SORCS1: variants seen among roughly 807,000 people sequenced by gnomAD.
SORCS1 encodes sortilin related VPS10 domain containing receptor 1.
SORCS1 carries 60 observed loss-of-function variants against 146.1 expected under a neutral mutation model. The ratio of observed to expected loss-of-function variants is 0.41; its 90% CI spans 0.33 to 0.51. The LOEUF (loss-of-function observed/expected upper bound fraction) is 0.51. Among genes scored for constraint, SORCS1 ranks in the 20% least tolerant of loss-of-function variants. SORCS1 has a pLI of 0.21. For synonymous variants in SORCS1, 637 were observed against 584.0 expected (o/e 1.09, Z -1.31); for missense variants, 1,352 against 1,487.6 (o/e 0.91, Z 1.50).
chr10:106,656,317 G>C (rs914733437), intron 17 of SORCS1, among the ~76,000 whole-genome samples: 1 of 152,160 alleles, frequency 6.6e-6, no homozygotes, highest in African/African-American at 2.4e-5. Flanking sequence ...TTGGGAGGCC[G>C]AGGTGAGCAG....
chr10:107,114,793 T>C (rs1234930541), intron 1 of SORCS1, among the ~76,000 whole-genome samples: 4 of 152,188 alleles, frequency 2.6e-5, no homozygotes, highest in Non-Finnish European at 4.4e-5. Flanking sequence ...TGCATCCAAA[T>C]TGGAAATGAA....
intron 1 of SORCS1, among the ~76,000 whole-genome samples, chr10:107,090,606 G>A (rs1387072779): frequency 1.3e-5 from 2 of 152,132 alleles, no homozygotes; most frequent in South Asian, 4.2e-4. Flanking sequence ...GCTACAGATA[G>A]ATGTCCCCTA....
intron 1 of SORCS1, among the ~76,000 whole-genome samples, chr10:107,034,352 T>C: frequency 6.6e-6 from 1 of 151,942 alleles, no homozygotes; most frequent in East Asian, 1.9e-4. Context: ...TTGTGCGCTT[T>C]CCACCTTTCT....
intron 2 of SORCS1, among the ~76,000 whole-genome samples, chr10:106,842,627 T>C (rs565243850): frequency 2.0e-5 from 3 of 152,338 alleles, no homozygotes; most frequent in Non-Finnish European, 4.4e-5. Context: ...CTCTGTTTTG[T>C]GTTTTTGAGA....
At chr10:106,689,584 A>G (rs537482508) in intron 9 of SORCS1, among the ~76,000 whole-genome samples, 17 of 152,316 alleles carry the variant, frequency 1.1e-4, no homozygotes, top group African/African-American at 4.1e-4. Flanking sequence ...AGAATAGTGA[A>G]GCAATTAGCT....
At chr10:106,766,771 A>G (rs1180657619) in intron 4 of SORCS1, among the ~76,000 whole-genome samples, 1 of 152,258 alleles carries the variant, frequency 6.6e-6, no homozygotes, top group East Asian at 1.9e-4. Context: ...TATCACAGAC[A>G]ACCTACAGTA....
chr10:106,989,860 G>T (rs1288542848), intron 1 of SORCS1, among the ~76,000 whole-genome samples: 1 of 151,166 alleles, frequency 6.6e-6, no homozygotes, highest in Non-Finnish European at 1.5e-5. Context: ...CTAATTTTTT[G>T]TATTTTTAGT....
intron 2 of SORCS1, among the ~76,000 whole-genome samples, chr10:106,864,606 G>A (rs1484452459): frequency 6.6e-6 from 1 of 152,126 alleles, no homozygotes; most frequent in Admixed American, 6.6e-5. Flanking sequence ...GAATCCAGGG[G>A]AATGAGTAGC....
At chr10:106,799,795 A>G (rs908141297) in intron 3 of SORCS1, among the ~76,000 whole-genome samples, 1 of 152,220 alleles carries the variant, frequency 6.6e-6, no homozygotes, top group African/African-American at 2.4e-5. Flanking sequence ...ACTGTAAACT[A>G]GTTCAACCAT....
At chr10:107,122,735 G>T (rs1035853876) in intron 1 of SORCS1, among the ~76,000 whole-genome samples, 3 of 152,140 alleles carry the variant, frequency 2.0e-5, no homozygotes, top group Admixed American at 6.6e-5. Context: ...CCTGTTTCAG[G>T]CTCCAAAGTG....
intron 2 of SORCS1, among the ~76,000 whole-genome samples, chr10:106,918,695 G>T (rs567695602): frequency 6.6e-5 from 10 of 152,068 alleles, no homozygotes; most frequent in African/African-American, 9.7e-5. Flanking sequence ...CTCACCAGAA[G>T]TTTCAACATC....
chr10:106,688,449 G>A, intron 9 of SORCS1, 111 bp from the exon 10 acceptor site: 4 of 1,243,832 alleles, frequency 3.2e-6, no homozygotes, highest in Middle Eastern at 2.7e-4. Flanking sequence ...TTGCCTTGGA[G>A]GAAAGAAAGG....
At chr10:106,731,296 A>T (rs1252033) in intron 5 of SORCS1, among the ~76,000 whole-genome samples, 2 of 132,226 alleles carry the variant, frequency 1.5e-5, no homozygotes, top group Non-Finnish European at 3.2e-5. Flanking sequence ...CCGTCTCAAA[A>T]AAAAAAAAAA....
At chr10:106,851,354 T>G (rs948803940) in intron 2 of SORCS1, among the ~76,000 whole-genome samples, 15 of 152,228 alleles carry the variant, frequency 9.9e-5, no homozygotes, top group African/African-American at 3.1e-4. Context: ...TGATACATTT[T>G]GAGTTAATTT....
chr10:107,158,325 C>T (rs531612219), intron 1 of SORCS1, among the ~76,000 whole-genome samples: 12 of 152,234 alleles, frequency 7.9e-5, no homozygotes, highest in African/African-American at 2.4e-4. Flanking sequence ...TTAAAACTTT[C>T]GTTAAACATA....
intron 4 of SORCS1, among the ~76,000 whole-genome samples, chr10:106,765,695 G>A (rs1446842440): frequency 6.6e-6 from 1 of 151,892 alleles, no homozygotes; most frequent in African/African-American, 2.4e-5. Flanking sequence ...TGAGAGAAGG[G>A]TAGCAGCCAT....
chr10:106,861,539 C>T lies in SORCS1; in HGVS notation c.627-31866G>A, dbSNP rs191651914. 5.8e-4 allele frequency among the ~76,000 whole-genome samples: 88 copies of T among 152,120 alleles called. 3 individuals carry two copies. Among genetic ancestry groups the T allele is most frequent in the Admixed American group, 5.0e-3 (77 of 15,280 alleles). ...AAATGTATTCTAGAAGGACAAGCTA[C>T]GAAACATATAGCAGTGACAATGGAA... is the stretch of plus-strand genomic sequence containing the variant. On this transcript the variant is annotated intron_variant, in intron 2 of 25. Coordinates refer to ENST00000263054, the MANE Select transcript of SORCS1 (RefSeq NM_052918.5).
upstream of SORCS1, among the ~76,000 whole-genome samples, chr10:107,169,415 C>A (rs182984100): frequency 2.6e-5 from 4 of 152,218 alleles, no homozygotes; most frequent in Non-Finnish European, 2.9e-5. Context: ...CAAATACAGA[C>A]CTAGCTCTGA....
At chr10:106,753,364 C>A (rs948009862) in intron 5 of SORCS1, among the ~76,000 whole-genome samples, 1 of 151,992 alleles carries the variant, frequency 6.6e-6, no homozygotes, top group African/African-American at 2.4e-5. Context: ...GGGTACTGTG[C>A]TGAATAGCTG....
Sources: gnomAD v4.1 joint callset for allele counts (sites outside exome capture counted in the v4.1 genomes callset) on GRCh38, gnomAD v4.1.1 for gene constraint, MANE v1.5 for transcripts, NCBI Gene and HGNC (gene_info 2026-07-23, HGNC 2026-07-21) for gene names.